APBB2: variants seen among roughly 807,000 people sequenced by gnomAD.
APBB2 encodes the protein amyloid beta precursor protein binding family B member 2.
In APBB2, 38 loss-of-function variants were observed where a neutral mutation model predicts 82.5. That is an observed-to-expected ratio of 0.46 (90% CI 0.36 to 0.60). The LOEUF is 0.60. Among genes scored for constraint, APBB2 ranks in the 20% least tolerant of loss-of-function variants. The pLI, the probability that APBB2 is intolerant of heterozygous loss-of-function variation, is 0.00. For missense variants in APBB2, 772 were observed against 972.3 expected, an observed-to-expected ratio of 0.79 and a Z score of 2.74; for synonymous variants, 341 against 368.2, an observed-to-expected ratio of 0.93 and a Z score of 0.85.
chr4:40,980,045 C>G (rs376012098), intron 6 of APBB2, among the ~76,000 whole-genome samples: 1 of 152,162 alleles, frequency 6.6e-6, no homozygotes, highest in Non-Finnish European at 1.5e-5. Flanking sequence ...CTTTTGGAGA[C>G]GGAGTCTCAC....
chr4:41,112,927 C>T (rs1377373884), intron 2 of APBB2, among the ~76,000 whole-genome samples: 2 of 151,840 alleles, frequency 1.3e-5, no homozygotes. Flanking sequence ...GCGGAGGTTG[C>T]AGTGAGCCGA....
chr4:41,203,530 T>C (rs573691329), intron 1 of APBB2, among the ~76,000 whole-genome samples: 2 of 152,302 alleles, frequency 1.3e-5, no homozygotes, highest in African/African-American at 4.8e-5. Context: ...TTTTCCCCCC[T>C]GAATTCTGGA....
intron 1 of APBB2, among the ~76,000 whole-genome samples, chr4:41,206,118 C>G (rs1167064452): frequency 1.3e-5 from 2 of 152,152 alleles, no homozygotes; most frequent in Non-Finnish European, 2.9e-5. Flanking sequence ...ACTACTGCCA[C>G]AGAGATTTGA....
intron 12 of APBB2, among the ~76,000 whole-genome samples, chr4:40,838,623 C>T (rs191388023): frequency 7.1e-4 from 108 of 152,264 alleles, no homozygotes; most frequent in Middle Eastern, 3.4e-3. Context: ...GCGTGAGCCA[C>T]GCGCCTTGCC....
intron 12 of APBB2, among the ~76,000 whole-genome samples, chr4:40,869,641 G>A (rs986572024): frequency 5.9e-5 from 9 of 152,000 alleles, no homozygotes; most frequent in African/African-American, 1.7e-4. Context: ...TAAAGGGACC[G>A]CTCTATAAAC....
intron 12 of APBB2, among the ~76,000 whole-genome samples, chr4:40,851,738 A>ATATATATATAT (rs1192919460): frequency 5.9e-5 from 4 of 67,736 alleles, no homozygotes; most frequent in African/African-American, 9.9e-5. Flanking sequence ...ATATATATAT[A>ATATATATATAT]TTTTTTTTTT....
chr4:40,827,294 G>A lies in APBB2; in HGVS notation c.1645-75C>T, dbSNP rs547113243. Reference sequence around the variant, plus strand: ...CTTCAGCTATTCCAGCCTGTAAAGTGTCTAGGTTGACTTCACTTCCAAGTT... The same window carrying A: ...CTTCAGCTATTCCAGCCTGTAAAGTATCTAGGTTGACTTCACTTCCAAGTT... On this transcript the variant is annotated intron_variant, in intron 13 of 17. Coordinates refer to ENST00000508593, the MANE Select transcript of APBB2 (RefSeq NM_004307.2). The A allele has an allele frequency of 8.8e-5, 117 of 1,330,520 alleles. No homozygotes were observed. The South Asian group carries it at 1.4e-3, about 16-fold the overall frequency. The allele number at this position is 1,330,520 out of a possible 1,614,324, so 82.4% of individuals were successfully genotyped here. A position where few individuals can be genotyped will look rare whatever the true frequency, so the allele number is the denominator to read the frequency against.
At chr4:40,883,366 C>T (rs1487029297) in intron 12 of APBB2, among the ~76,000 whole-genome samples, 2 of 152,062 alleles carry the variant, frequency 1.3e-5, no homozygotes, top group Non-Finnish European at 1.5e-5. Context: ...GAGGGCAGAT[C>T]ACCTGATGTC....
chr4:41,129,253 T>G (rs1755282935), intron 2 of APBB2, among the ~76,000 whole-genome samples: 1 of 152,168 alleles, frequency 6.6e-6, no homozygotes, highest in South Asian at 2.1e-4. Flanking sequence ...GAGTCAAGAC[T>G]CCTGTGCAGG....
intron 3 of APBB2, among the ~76,000 whole-genome samples, chr4:41,084,298 C>T (rs1738826385): frequency 6.6e-6 from 1 of 152,134 alleles, no homozygotes; most frequent in African/African-American, 2.4e-5. Context: ...GTGGCACATG[C>T]CTGTAATCCC....
At chr4:40,961,667 TAAAAA>T (rs60942744) in intron 6 of APBB2, among the ~76,000 whole-genome samples, 9,653 of 67,450 alleles carry the variant, frequency 0.14, 10 homozygotes, top group Non-Finnish European at 0.16. Flanking sequence ...AAAAAAGATG[TAAAAA>T]AAAAAAAAAA....
intron 1 of APBB2, among the ~76,000 whole-genome samples, chr4:41,147,029 G>A (rs933640669): frequency 3.3e-5 from 5 of 152,034 alleles, no homozygotes; most frequent in Admixed American, 6.5e-5. Flanking sequence ...TTCCCGTGAC[G>A]GATCCTGAAG....
chr4:40,880,889 G>C, intron 12 of APBB2: 1 of 984,956 alleles, frequency 1.0e-6, no homozygotes, highest in Non-Finnish European at 1.2e-6. Flanking sequence ...AATGGACGAG[G>C]TATTTCTCAG....
intron 1 of APBB2, among the ~76,000 whole-genome samples, chr4:41,173,389 C>A (rs551773945): frequency 6.6e-6 from 1 of 152,196 alleles, no homozygotes; most frequent in East Asian, 1.9e-4. Context: ...GATGAAGGAA[C>A]CAAATACGGA....
At chr4:41,170,247 T>A (rs1040666457) in intron 1 of APBB2, among the ~76,000 whole-genome samples, 2 of 152,334 alleles carry the variant, frequency 1.3e-5, no homozygotes, top group South Asian at 4.1e-4. Context: ...TTAAAATTAA[T>A]ATATAATAAT....
intron 12 of APBB2, chr4:40,880,482 A>C: frequency 2.0e-6 from 2 of 985,460 alleles, no homozygotes; most frequent in Non-Finnish European, 2.4e-6. Flanking sequence ...CAAACCATGC[A>C]CTGAACATCT....
intron 3 of APBB2, among the ~76,000 whole-genome samples, chr4:41,095,841 T>C (rs1450136072): frequency 6.6e-6 from 1 of 152,150 alleles, no homozygotes; most frequent in Admixed American, 6.5e-5. Context: ...TCCCATCTAG[T>C]TATTTCTCCT....
chr4:40,821,370 A>G (rs1322872211), intron 17 of APBB2, among the ~76,000 whole-genome samples: 1 of 152,214 alleles, frequency 6.6e-6, no homozygotes, highest in East Asian at 1.9e-4. Context: ...CCCATTCTCT[A>G]ACTTCCCTAA....
intron 1 of APBB2, among the ~76,000 whole-genome samples, chr4:41,191,059 G>T (rs183606142): frequency 6.6e-6 from 1 of 152,116 alleles, no homozygotes. Flanking sequence ...GGGACCCAGC[G>T]GAGTCAGGTC....
Sources: allele counts gnomAD v4.1 joint callset (sites outside exome capture counted in the v4.1 genomes callset), GRCh38; gene constraint gnomAD v4.1.1; transcripts MANE v1.5; gene names NCBI Gene and HGNC (gene_info 2026-07-23, HGNC 2026-07-21).